SORBS2: variants seen among roughly 807,000 people sequenced by gnomAD.
The protein encoded by SORBS2 is sorbin and SH3 domain containing 2, also known as sorbin and SH3 domain-containing protein 2.
SORBS2 carries 46 observed loss-of-function variants against 97.7 expected under a neutral mutation model. The ratio of observed to expected loss-of-function variants is 0.47; its 90% CI spans 0.37 to 0.60. SORBS2 has a LOEUF of 0.60. SORBS2 is among the 20% of genes least tolerant of loss of function. The pLI is 0.00. For synonymous variants in SORBS2, 476 were observed against 473.4 expected (o/e 1.01, Z -0.07); for missense variants, 1,316 against 1,282.3 (o/e 1.03, Z -0.40).
At chr4:185,694,698 TTTTC>T (rs1222179954) in intron 2 of SORBS2, among the ~76,000 whole-genome samples, 5 of 106,766 alleles carry the variant, frequency 4.7e-5, no homozygotes, top group African/African-American at 1.6e-4. Flanking sequence ...TTCTTTTTCC[TTTTC>T]TTTCTTTTCT....
intron 4 of SORBS2, among the ~76,000 whole-genome samples, chr4:185,674,671 C>G (rs142568305): frequency 4.6e-5 from 7 of 152,278 alleles, no homozygotes; most frequent in Admixed American, 1.3e-4. Context: ...TCTGACTTCA[C>G]TTCCTATCAC....
intron 1 of SORBS2, among the ~76,000 whole-genome samples, chr4:185,901,451 G>T (rs756651579): frequency 1.7e-4 from 26 of 152,116 alleles, no homozygotes; most frequent in Non-Finnish European, 2.6e-4. Context: ...TGATGCGCCC[G>T]CCTCGGCCTC....
At chr4:185,758,021 A>G (rs540341634) in intron 2 of SORBS2, among the ~76,000 whole-genome samples, 10 of 152,316 alleles carry the variant, frequency 6.6e-5, no homozygotes, top group East Asian at 5.8e-4. Context: ...TTACAGGTGC[A>G]TATATTTTGT....
chr4:185,916,650 T>A (rs1579482214), intron 1 of SORBS2, among the ~76,000 whole-genome samples: 1 of 152,318 alleles, frequency 6.6e-6, no homozygotes, highest in East Asian at 1.9e-4. Context: ...GCAATTTTAC[T>A]TCCCAGGGGA....
intron 1 of SORBS2, among the ~76,000 whole-genome samples, chr4:185,941,830 G>T (rs558252668): frequency 6.6e-6 from 1 of 152,174 alleles, no homozygotes; most frequent in African/African-American, 2.4e-5. Flanking sequence ...AGTAAGACTT[G>T]GATGGCTGGG....
intron 1 of SORBS2, among the ~76,000 whole-genome samples, chr4:185,836,037 T>G (rs55758223): frequency 0.071 from 10,828 of 152,074 alleles, 569 homozygotes; most frequent in Middle Eastern, 0.15. Flanking sequence ...TAAATATTAT[T>G]ATTTATAATA....
intron 1 of SORBS2, among the ~76,000 whole-genome samples, chr4:185,802,228 G>A (rs993993560): frequency 6.6e-6 from 1 of 152,112 alleles, no homozygotes; most frequent in South Asian, 2.1e-4. Context: ...GATTATATCT[G>A]CCTTATAGCA....
At position 185,766,718 on chromosome 4, in the gene SORBS2, T is replaced by C. The variant is rs549994757; in HGVS notation, c.-198+8509A>G. Reference sequence around the variant, plus strand: ...AATCGAATTTTTTAGGTTTGCAAAATTGAACTAAAGAAGTACCACTGAGTT... The same window carrying C: ...AATCGAATTTTTTAGGTTTGCAAAACTGAACTAAAGAAGTACCACTGAGTT... On this transcript the variant is annotated intron_variant, in intron 2 of 20. Coordinates refer to the SORBS2 transcript ENST00000284776. Among the ~76,000 whole-genome samples, 37 of 152,300 alleles carry C rather than the reference T, an allele frequency of 2.4e-4. No homozygotes were observed. In the South Asian group the frequency reaches 4.1e-3, roughly 17 times the overall value.
chr4:185,857,685 A>G (rs1407212610), intron 1 of SORBS2, among the ~76,000 whole-genome samples: 1 of 152,164 alleles, frequency 6.6e-6, no homozygotes, highest in Non-Finnish European at 1.5e-5. Flanking sequence ...ACCATGGGGA[A>G]GGAATGCATT....
intron 4 of SORBS2, among the ~76,000 whole-genome samples, chr4:185,667,479 A>G (rs1052221752): frequency 6.6e-6 from 1 of 152,082 alleles, no homozygotes; most frequent in Non-Finnish European, 1.5e-5. Flanking sequence ...AATCTGATAA[A>G]TGTGACTGAT....
chr4:185,884,447 G>A (rs1485277200), intron 1 of SORBS2, among the ~76,000 whole-genome samples: 1 of 152,128 alleles, frequency 6.6e-6, no homozygotes, highest in African/African-American at 2.4e-5. Flanking sequence ...ATAAGCATGT[G>A]CTGTTTTTTA....
chr4:185,644,285 G>T (rs999806586), intron 4 of SORBS2, among the ~76,000 whole-genome samples: 1 of 151,962 alleles, frequency 6.6e-6, no homozygotes, highest in East Asian at 1.9e-4. Flanking sequence ...ATCCACACTC[G>T]AATCTCTGTC....
intron 2 of SORBS2, chr4:185,772,612 G>A (rs951870870): frequency 2.0e-5 from 3 of 152,182 alleles, no homozygotes; most frequent in Non-Finnish European, 4.4e-5. Flanking sequence ...TGAGGGCCAG[G>A]CTGCTGGAAT....
At chr4:185,823,896 T>C (rs1040890762) in intron 1 of SORBS2, among the ~76,000 whole-genome samples, 4 of 152,180 alleles carry the variant, frequency 2.6e-5, no homozygotes, top group Non-Finnish European at 4.4e-5. Flanking sequence ...AGCCCGCTGA[T>C]TGGATCTCAG....
At chr4:185,729,848 T>C (rs1233187842) in intron 2 of SORBS2, among the ~76,000 whole-genome samples, 1 of 152,250 alleles carries the variant, frequency 6.6e-6, no homozygotes, top group Non-Finnish European at 1.5e-5. Flanking sequence ...GAAGAACTTT[T>C]GGCTCTAACA....
At chr4:185,677,861 A>G (rs1008164143) in intron 4 of SORBS2, among the ~76,000 whole-genome samples, 6 of 152,200 alleles carry the variant, frequency 3.9e-5, no homozygotes, top group Non-Finnish European at 7.3e-5. Context: ...CCTTGGGGAA[A>G]AAAGTGTTGC....
At chr4:185,587,573 G>C (rs1379377835) in exon 15 of SORBS2, 1 of 1,537,368 alleles carries the variant, frequency 6.5e-7, no homozygotes, top group African/African-American at 1.4e-5. Flanking sequence ...TTTCAGGCGC[G>C]TTGACGCAGG....
chr4:185,863,240 A>G (rs918641328), intron 1 of SORBS2, among the ~76,000 whole-genome samples: 5 of 152,234 alleles, frequency 3.3e-5, no homozygotes, highest in Non-Finnish European at 7.3e-5. Flanking sequence ...AACAATGTGT[A>G]TAATATAGAC....
At chr4:185,794,087 A>G (rs2099094156) in intron 1 of SORBS2, among the ~76,000 whole-genome samples, 1 of 152,256 alleles carries the variant, frequency 6.6e-6, no homozygotes, top group Non-Finnish European at 1.5e-5. Flanking sequence ...AAAAGAAAAA[A>G]AAATACTGTT....
Sources: gnomAD v4.1 joint callset for allele counts (sites outside exome capture counted in the v4.1 genomes callset) on GRCh38, gnomAD v4.1.1 for gene constraint, MANE v1.5 for transcripts, NCBI Gene and HGNC (gene_info 2026-07-23, HGNC 2026-07-21) for gene names.